Variants in BTBD7 observed in about 807,000 individuals in gnomAD.
BTBD7 encodes BTB/POZ domain-containing protein 7.
In BTBD7, 38 loss-of-function variants were observed where a neutral mutation model predicts 99.9. The observed-to-expected ratio is 0.38, with a 90% CI of 0.29 to 0.50. BTBD7 has a LOEUF of 0.50. Among genes scored for constraint, BTBD7 ranks in the 20% least tolerant of loss-of-function variants. BTBD7 has a pLI of 0.93. For synonymous variants in BTBD7, 520 were observed against 511.4 expected, an observed-to-expected ratio of 1.02 and a Z score of -0.23; for missense variants, 1,170 against 1,394.6, an observed-to-expected ratio of 0.84 and a Z score of 2.57.
chr14:93,262,324 AG>A (rs1190558837), intron 4 of BTBD7, among the ~76,000 whole-genome samples: 1 of 151,898 alleles, frequency 6.6e-6, no homozygotes, highest in Admixed American at 6.6e-5. Context: ...TAGTAGAGAC[AG>A]GGTTTTACCT....
chr14:93,265,764 A>G (rs544451108), intron 3 of BTBD7, among the ~76,000 whole-genome samples: 3 of 152,322 alleles, frequency 2.0e-5, no homozygotes, highest in Admixed American at 2.0e-4. Flanking sequence ...TCTACTAAAA[A>G]TACAAAAATC....
chr14:93,307,219 T>C (rs2053080760), intron 1 of BTBD7, among the ~76,000 whole-genome samples: 1 of 152,222 alleles, frequency 6.6e-6, no homozygotes, highest in Admixed American at 6.5e-5. Context: ...TGAAGTGCAG[T>C]GGCACAATCA....
chr14:93,253,516 AACTT>A (rs1323506732), intron 7 of BTBD7, 127 bp downstream of exon 7: 1 of 785,236 alleles, frequency 1.3e-6, no homozygotes, highest in African/African-American at 1.7e-5. Flanking sequence ...GTCAAACTAG[AACTT>A]ACTTTCATTT....
At chr14:93,314,088 A>G (rs1199261644) in intron 1 of BTBD7, among the ~76,000 whole-genome samples, 3 of 152,130 alleles carry the variant, frequency 2.0e-5, no homozygotes, top group Non-Finnish European at 4.4e-5. Context: ...TCTAGTTATG[A>G]AATACTTCTT....
At chr14:93,286,928 T>G (rs1468460960) in intron 3 of BTBD7, among the ~76,000 whole-genome samples, 1 of 152,118 alleles carries the variant, frequency 6.6e-6, no homozygotes, top group East Asian at 1.9e-4. Flanking sequence ...ACTGATGTCA[T>G]ATCTTTACAT....
chr14:93,317,268 G>C (rs1033355011), intron 1 of BTBD7, among the ~76,000 whole-genome samples: 1 of 152,074 alleles, frequency 6.6e-6, no homozygotes, highest in Non-Finnish European at 1.5e-5. Context: ...GCCTCCCAAA[G>C]TGCTGGGATT....
chr14:93,293,259 A>G (rs984390752), intron 3 of BTBD7, among the ~76,000 whole-genome samples: 3 of 152,226 alleles, frequency 2.0e-5, no homozygotes, highest in South Asian at 2.1e-4. Flanking sequence ...TTTTAAAAAA[A>G]TTTTAGTTTA....
At chr14:93,323,408 C>G (rs949153084) in intron 1 of BTBD7, among the ~76,000 whole-genome samples, 1 of 152,180 alleles carries the variant, frequency 6.6e-6, no homozygotes. Context: ...AGAACTATGA[C>G]TCTGCAATTG....
chr14:93,331,357 A>C (rs1386285358), intron 1 of BTBD7, among the ~76,000 whole-genome samples: 2 of 152,178 alleles, frequency 1.3e-5, no homozygotes, highest in African/African-American at 4.8e-5. Context: ...GATCCACAAC[A>C]AGTCACTCGC....
intron 6 of BTBD7, chr14:93,255,864 C>T (rs994428486): frequency 1.3e-5 from 2 of 152,218 alleles, no homozygotes; most frequent in African/African-American, 4.8e-5. Context: ...ACTATAACTA[C>T]TACCTTAACA....
At chr14:93,325,987 T>A (rs1299921926) in intron 1 of BTBD7, among the ~76,000 whole-genome samples, 1 of 152,198 alleles carries the variant, frequency 6.6e-6, no homozygotes, top group African/African-American at 2.4e-5. Context: ...AGTAAGGGTA[T>A]CTGAAAGATT....
chr14:93,303,509 C>T (rs568346241), intron 1 of BTBD7, among the ~76,000 whole-genome samples: 3 of 151,962 alleles, frequency 2.0e-5, no homozygotes, highest in Non-Finnish European at 4.4e-5. Context: ...GAAACAGGAG[C>T]CTATCAAAAG....
intron 3 of BTBD7, among the ~76,000 whole-genome samples, chr14:93,279,522 A>G (rs75353668): frequency 0.02 from 3,031 of 152,128 alleles, 93 homozygotes; most frequent in African/African-American, 0.07. Context: ...CTAACTGCCT[A>G]TTGGTACTTA....
At chr14:93,308,179 C>G (rs1458227114) in intron 1 of BTBD7, among the ~76,000 whole-genome samples, 2 of 150,824 alleles carry the variant, frequency 1.3e-5, no homozygotes, top group Non-Finnish European at 2.9e-5. Context: ...CCCAGCTCCT[C>G]GGGAGGCTGA....
chr14:93,280,422 T>A (rs1003832588), intron 3 of BTBD7, among the ~76,000 whole-genome samples: 1 of 151,882 alleles, frequency 6.6e-6, no homozygotes, highest in African/African-American at 2.4e-5. Flanking sequence ...AAGGCTATTA[T>A]GGTTGAAGAT....
intron 3 of BTBD7, among the ~76,000 whole-genome samples, chr14:93,269,958 G>A (rs764199892): frequency 4.6e-5 from 7 of 152,152 alleles, no homozygotes; most frequent in Non-Finnish European, 7.4e-5. Context: ...GCAAACTGAA[G>A]CAGAAATGCC....
At chr14:93,286,024 G>GT (rs2052773143) in intron 3 of BTBD7, among the ~76,000 whole-genome samples, 2 of 152,150 alleles carry the variant, frequency 1.3e-5, no homozygotes, top group African/African-American at 4.8e-5. Flanking sequence ...TGAGTTGCCT[G>GT]GGACCCTGGC....
In BTBD7 at chr14:93,309,576, G is replaced by A. The variant is rs2053114571; in HGVS notation, c.-106-13419C>T. On this transcript the variant is annotated intron_variant, in intron 1 of 10. Transcript: ENST00000334746. ...CAACCTTTCTGAAGGAAGCTGCCAC[G>A]TCTACCTCATGCTTCTGTGTCCACT... 3.3e-5 allele frequency among the ~76,000 whole-genome samples: 5 copies of A among 151,812 alleles called. No homozygotes were observed. The South Asian group carries it at 8.3e-4, about 25-fold the overall frequency.
chr14:93,289,851 CTTTTTT>C (rs34820136), intron 3 of BTBD7, among the ~76,000 whole-genome samples: 9 of 98,440 alleles, frequency 9.1e-5, no homozygotes, highest in East Asian at 3.1e-4. Context: ...ACTCTCTGGG[CTTTTTT>C]TTTTTTTTTT....
Sources: allele counts gnomAD v4.1 joint callset (sites outside exome capture counted in the v4.1 genomes callset), GRCh38; gene constraint gnomAD v4.1.1; transcripts MANE v1.5; gene names NCBI Gene and HGNC (gene_info 2026-07-23, HGNC 2026-07-21).